The following RAP1GAP2 variants were observed in gnomAD, a reference collection of about 807,000 sequenced individuals.
RAP1GAP2 encodes the protein RAP1 GTPase activating protein 2.
In RAP1GAP2, 27 loss-of-function variants were observed where a neutral mutation model predicts 95.0. That is an observed-to-expected ratio of 0.28 (90% CI 0.21 to 0.39). The LOEUF (loss-of-function observed/expected upper bound fraction) is 0.39. RAP1GAP2 is among the 10% of genes least tolerant of loss of function. RAP1GAP2 has a pLI of 1.00. For missense variants in RAP1GAP2, 771 were observed against 970.0 expected (o/e 0.79, Z 2.72); for synonymous variants, 373 against 380.9 (o/e 0.98, Z 0.24).
At position 3,032,432 on chromosome 17, in the gene RAP1GAP2, G is replaced by A; in HGVS notation, c.*13G>A. 3.7e-6 allele frequency: 6 copies of A among 1,613,904 alleles called. No homozygotes were observed. The highest frequency in any genetic ancestry group is 5.1e-6 in the Non-Finnish European group (6 of 1,179,774). ...ACAGGGTCACTAATGTGAAAGTGGAGTCCTTCGCCTGTCCAAGGTGGGTTG... is the reference window on the plus strand; with the variant it reads ...ACAGGGTCACTAATGTGAAAGTGGAATCCTTCGCCTGTCCAAGGTGGGTTG... On this transcript the variant is annotated 3_prime_UTR_variant, in exon 24 of 25. Transcript: ENST00000254695.
Position 2,819,476 on chromosome 17 carries a change from C to CT in RAP1GAP2, c.80+18936dup, listed in dbSNP as rs572839076. Among the ~76,000 whole-genome samples the CT allele has an allele frequency of 8.1e-3, 1,199 of 148,366 alleles. 9 individuals carry two copies. Among genetic ancestry groups the CT allele is most frequent in the South Asian group, 0.038 (175 of 4,632 alleles). ...GATCACAGGAGCATGCCACCACACACTTTTTTTTTTCTTTTTTGACGGAGT... is the reference window on the plus strand; with the variant it reads ...GATCACAGGAGCATGCCACCACACACTTTTTTTTTTTCTTTTTTGACGGAGT... On this transcript the variant is annotated intron_variant, in intron 2 of 24. Coordinates refer to ENST00000254695, the MANE Select transcript of RAP1GAP2 (RefSeq NM_015085.5).
intron 17 of RAP1GAP2, among the ~76,000 whole-genome samples, chr17:3,012,818 C>T (rs939789503): frequency 1.3e-5 from 2 of 152,034 alleles, no homozygotes; most frequent in Non-Finnish European, 2.9e-5. Context: ...TATGTTTGAA[C>T]GATGCTGATC....
chr17:3,026,893 G>C (rs2047134573), intron 21 of RAP1GAP2, 51 bp from the exon 22 acceptor site: 1 of 1,531,666 alleles, frequency 6.5e-7, no homozygotes, highest in African/African-American at 1.4e-5. Context: ...GCCTGCGTGG[G>C]CGCAGCTGCC....
chr17:2,917,333 C>T (rs1037035661), intron 3 of RAP1GAP2, among the ~76,000 whole-genome samples: 6 of 152,112 alleles, frequency 3.9e-5, no homozygotes, highest in East Asian at 1.9e-4. Context: ...GGCAATGGCG[C>T]GATCTCGGCT....
Position 2,995,372 on chromosome 17 carries a change from CA to C in RAP1GAP2, c.951del (p.Val319TrpfsTer57), listed in dbSNP as rs2045915041. Reference sequence around the variant, plus strand: ...GGCCTGGACGTGACCCACGGACAGACAGGGGTGGAATCAGTGTACACAACAT... The same window carrying C: ...GGCCTGGACGTGACCCACGGACAGACGGGGTGGAATCAGTGTACACAACAT... ...RGGLDVTHGQTGVESVYTTFR... is the reference protein window; with the variant it reads ...RGGLDVTHGQXGVESVYTTFR... On this transcript the variant is annotated frameshift_variant, in exon 13 of 25. Coordinates refer to ENST00000254695, the MANE Select transcript of RAP1GAP2 (RefSeq NM_015085.5). LOFTEE classifies it high-confidence loss of function. 2 of 1,613,718 alleles carry C rather than the reference CA, an allele frequency of 1.2e-6. No individual in the cohort carries two copies. Among genetic ancestry groups the C allele is most frequent in the African/African-American group, 2.7e-5 (2 of 74,932 alleles).
intron 2 of RAP1GAP2, among the ~76,000 whole-genome samples, chr17:2,832,718 T>C (rs1399836887): frequency 6.6e-6 from 1 of 152,010 alleles, no homozygotes; most frequent in East Asian, 1.9e-4. Context: ...GACTCACTCC[T>C]GTAATCCCAG....
intron 1 of RAP1GAP2, among the ~76,000 whole-genome samples, chr17:2,784,691 G>C (rs2068734692): frequency 6.6e-6 from 1 of 152,224 alleles, no homozygotes; most frequent in African/African-American, 2.4e-5. Context: ...GCATCTTACT[G>C]TGCAGAGCCC....
At chr17:3,031,182 C>T (rs1320490952) in intron 23 of RAP1GAP2, among the ~76,000 whole-genome samples, 184 bp downstream of exon 23, 1 of 152,262 alleles carries the variant, frequency 6.6e-6, no homozygotes. Context: ...CCACCTTTGC[C>T]ACAACTCCCA....
chr17:2,939,234 C>T (rs1175595934), intron 3 of RAP1GAP2, among the ~76,000 whole-genome samples: 1 of 152,066 alleles, frequency 6.6e-6, no homozygotes, highest in Non-Finnish European at 1.5e-5. Flanking sequence ...GGACTACAGG[C>T]ATGCGCCACC....
chr17:2,927,361 G>C lies in RAP1GAP2; in HGVS notation c.165+21993G>C, dbSNP rs375629749. ...GTAGAGACGGGGTTTCACCGTGTTA[G>C]CCAGGATGGTCTCGATCTCCTGACC... On this transcript the variant is annotated intron_variant, in intron 3 of 24. Coordinates refer to ENST00000254695, the MANE Select transcript of RAP1GAP2 (RefSeq NM_015085.5). 1.7e-4 allele frequency among the ~76,000 whole-genome samples: 25 copies of C among 151,504 alleles called. No individual in the cohort carries two copies. The East Asian group carries it at 4.9e-3, about 30-fold the overall frequency.
chr17:2,926,732 C>T (rs980863952), intron 3 of RAP1GAP2, among the ~76,000 whole-genome samples: 3 of 152,006 alleles, frequency 2.0e-5, no homozygotes, highest in Non-Finnish European at 4.4e-5. Context: ...GGGCTGGGCG[C>T]GATGGCTCAC....
intron 2 of RAP1GAP2, among the ~76,000 whole-genome samples, chr17:2,856,538 C>T (rs8075303): frequency 0.65 from 99,069 of 152,010 alleles, 32,697 homozygotes; most frequent in African/African-American, 0.78. Context: ...GTCAGATGTC[C>T]GGTGGTGACA....
At chr17:2,962,838 AC>A in intron 5 of RAP1GAP2, 124 bp downstream of exon 5, 1 of 934,296 alleles carries the variant, frequency 1.1e-6, no homozygotes, top group Non-Finnish European at 1.5e-6. Flanking sequence ...TCTGACTCGC[AC>A]CACGGGCCGC....
chr17:2,833,161 T>C (rs909882728), intron 2 of RAP1GAP2, among the ~76,000 whole-genome samples: 2 of 150,152 alleles, frequency 1.3e-5, no homozygotes, highest in Non-Finnish European at 3.0e-5. Flanking sequence ...TTTTTTTTTT[T>C]AGATGGAGTC....
chr17:3,032,063 C>T (rs146111380), intron 23 of RAP1GAP2, among the ~76,000 whole-genome samples: 1 of 134,384 alleles, frequency 7.4e-6, no homozygotes, highest in African/African-American at 2.8e-5. Flanking sequence ...GGTCCCGAAT[C>T]CCTTCCTGAG....
chr17:2,867,821 C>T lies in RAP1GAP2; in HGVS notation c.81-37463C>T, dbSNP rs996519871. Reference sequence around the variant, plus strand: ...TAGTTGATGCTGATCTTGGCACGGTCTTGTCAACTTGGCTGGTGGCTGCAG... The same window carrying T: ...TAGTTGATGCTGATCTTGGCACGGTTTTGTCAACTTGGCTGGTGGCTGCAG... On this transcript the variant is annotated intron_variant, in intron 2 of 24. Coordinates refer to ENST00000254695, the MANE Select transcript of RAP1GAP2 (RefSeq NM_015085.5). This position sits in a 1 kb window ranked among gnomAD's most constrained non-coding sequence, Gnocchi z 4.5. Among the ~76,000 whole-genome samples the T allele has an allele frequency of 6.6e-6, 1 of 152,168 alleles. No homozygotes were observed. The highest frequency in any genetic ancestry group is 1.5e-5 in the Non-Finnish European group (1 of 68,036).
chr17:2,876,312 G>T (rs889184945), intron 2 of RAP1GAP2, among the ~76,000 whole-genome samples: 2 of 152,164 alleles, frequency 1.3e-5, no homozygotes, highest in Admixed American at 1.3e-4. Context: ...AAATAAGAGT[G>T]ACCAATGTAG....
At chr17:2,891,926 C>A (rs1010503124) in intron 2 of RAP1GAP2, among the ~76,000 whole-genome samples, 13 of 142,178 alleles carry the variant, frequency 9.1e-5, no homozygotes, top group African/African-American at 3.1e-4. Context: ...TCGGTTCAAG[C>A]GATTCTCCTG....
chr17:2,764,372 C>T (rs2068238953), intron 1 of RAP1GAP2, among the ~76,000 whole-genome samples: 1 of 151,366 alleles, frequency 6.6e-6, no homozygotes, highest in African/African-American at 2.4e-5. Context: ...GTGGAGGTTG[C>T]AGTGAGCCTA....
Sources: gnomAD v4.1 joint callset for allele counts (sites outside exome capture counted in the v4.1 genomes callset) on GRCh38, gnomAD v4.1.1 for gene constraint, Gnocchi (gnomAD v3.1) non-coding constraint, MANE v1.5 for transcripts, NCBI Gene and HGNC (gene_info 2026-07-23, HGNC 2026-07-21) for gene names.